Variants in MALRD1 observed in about 807,000 individuals in gnomAD.
MALRD1 encodes MAM and LDL-receptor class A domain-containing protein 1.
MALRD1 carries 247 observed loss-of-function variants against 242.1 expected under a neutral mutation model. The observed-to-expected ratio is 1.02, with a 90% CI of 0.92 to 1.13. The LOEUF is 1.13. Among genes scored for constraint, MALRD1 ranks in the 50% most tolerant of loss-of-function variants. MALRD1 has a pLI of 0.00. For synonymous variants in MALRD1, 995 were observed against 866.6 expected, an observed-to-expected ratio of 1.15 and a Z score of -2.60; for missense variants, 2,989 against 2,533.1, an observed-to-expected ratio of 1.18 and a Z score of -3.86.
chr10:19,659,791 T>C (rs1841335433), intron 36 of MALRD1, among the ~76,000 whole-genome samples: 1 of 152,148 alleles, frequency 6.6e-6, no homozygotes, highest in South Asian at 2.1e-4. Context: ...CCTGGGTAAT[T>C]TGAAGCCCCG....
At position 19,387,618 on chromosome 10, in the gene MALRD1, A is replaced by G. The variant is rs1452582398; in HGVS notation, c.4532A>G (p.Asn1511Ser). The change falls in exon 27 of 40, where the codon AAT becomes AGT. Residue 1511 changes from asparagine (N) to serine (S), a missense_variant. By Grantham distance (46) the Asn-to-Ser change is conservative. Coordinates refer to ENST00000454679, the MANE Select transcript of MALRD1 (RefSeq NM_001142308.3). The part of the protein sequence containing the change: ...SCNFVDNCGD[N>S]TDENECGSSC... ...AACTTCGTAGATAACTGTGGAGATA[A>G]TACTGATGAAAATGAGTGTGGTAGC... is the stretch of plus-strand genomic sequence containing the variant. 7.7e-6 allele frequency: 12 copies of G among 1,550,422 alleles called. No individual in the cohort carries two copies. The highest frequency in any genetic ancestry group is 1.0e-5 in the Non-Finnish European group (12 of 1,146,888).
At chr10:19,119,122 G>A (rs921812990) in intron 5 of MALRD1, among the ~76,000 whole-genome samples, 1 of 152,154 alleles carries the variant, frequency 6.6e-6, no homozygotes, top group Non-Finnish European at 1.5e-5. Context: ...TTTGCTGATG[G>A]ATTGCATGTT....
In MALRD1 at chr10:19,389,506, A is replaced by G; in HGVS notation, c.4742A>G (p.His1581Arg). 6.4e-7 allele frequency: 1 copy of G among 1,550,588 alleles called. No individual in the cohort carries two copies. Among genetic ancestry groups the G allele is most frequent in the Non-Finnish European group, 8.7e-7 (1 of 1,146,962 alleles). ...TAVGLRGDKAHFRSTMWRESS... is the reference protein window; with the variant it reads ...TAVGLRGDKARFRSTMWRESS... Reference sequence around the variant, plus strand: ...GTGGGCCTTCGGGGTGACAAAGCACACTTCAGGAGTACCATGTGGCGAGAA... The same window carrying G: ...GTGGGCCTTCGGGGTGACAAAGCACGCTTCAGGAGTACCATGTGGCGAGAA... Residue 1581 changes from histidine (H) to arginine (R), a missense_variant, in exon 28 of 40, where the codon CAC becomes CGC. Transcript: ENST00000454679.
chr10:19,387,702 A>G lies in MALRD1; in HGVS notation c.4616A>G (p.Asp1539Gly). ...CAAAACTCCCAGGCTGACAACTTTG[A>G]TTGGGTTTTAGGGGTTGGCTCTCAT... Reference protein sequence around the residue: ...GWQNSQADNFDWVLGVGSHQS... With the variant: ...GWQNSQADNFGWVLGVGSHQS... Residue 1539 changes from aspartate to glycine, a missense_variant, in exon 27 of 40, where the codon GAT becomes GGT. Coordinates refer to ENST00000454679, the MANE Select transcript of MALRD1 (RefSeq NM_001142308.3). 5 of 1,550,354 alleles carry G rather than the reference A, an allele frequency of 3.2e-6. No homozygotes were observed. The highest frequency in any genetic ancestry group is 4.4e-6 in the Non-Finnish European group (5 of 1,146,858).
intron 28 of MALRD1, among the ~76,000 whole-genome samples, chr10:19,390,643 T>C (rs1846300735): frequency 6.6e-6 from 1 of 152,178 alleles, no homozygotes; most frequent in Admixed American, 6.5e-5. Context: ...GAAAGCTTAC[T>C]TTAAAGCATG....
At chr10:19,270,330 TCTCTCTCACACACACA>T (rs1366835458) in intron 19 of MALRD1, among the ~76,000 whole-genome samples, 3 of 106,996 alleles carry the variant, frequency 2.8e-5, no homozygotes, top group African/African-American at 4.2e-5. Context: ...TCTCTCTCTC[TCTCTCTCACACACACA>T]CACACACACA....
intron 33 of MALRD1, among the ~76,000 whole-genome samples, chr10:19,578,666 TG>T (rs1437623364): frequency 6.6e-6 from 1 of 150,442 alleles, no homozygotes; most frequent in African/African-American, 2.4e-5. Flanking sequence ...CACTCCAGCC[TG>T]GGGGACAGAA....
intron 28 of MALRD1, among the ~76,000 whole-genome samples, chr10:19,429,947 T>C (rs953502853): frequency 3.3e-5 from 5 of 152,022 alleles, no homozygotes; most frequent in African/African-American, 1.2e-4. Context: ...TTTCAGAATA[T>C]GGCCAATGTA....
At chr10:19,729,554 G>A (rs1317198524) in intron 38 of MALRD1, among the ~76,000 whole-genome samples, 2 of 148,464 alleles carry the variant, frequency 1.3e-5, no homozygotes, top group Non-Finnish European at 3.0e-5. Flanking sequence ...CCTTTCTTAT[G>A]TGTGTGTGTG....
rs369751334 is a variant in MALRD1 at position 19,521,730 on chromosome 10, A to G, written c.5321-9464A>G. On this transcript the variant is annotated intron_variant, in intron 31 of 39. Transcript: ENST00000454679. ...TGATTCTTGCTATTATATGTATTTA[A>G]TACTACTGATCAATCACTTATTTCC... Among the ~76,000 whole-genome samples the G allele has an allele frequency of 5.3e-5, 8 of 152,110 alleles. No homozygotes were observed. In the East Asian group the frequency reaches 1.2e-3, roughly 22 times the overall value.
intron 38 of MALRD1, among the ~76,000 whole-genome samples, chr10:19,719,223 C>CATATATATATATATATATATATATATAT (rs368394538): frequency 5.2e-5 from 4 of 76,432 alleles, no homozygotes; most frequent in Non-Finnish European, 9.4e-5. Flanking sequence ...CACATACATA[C>CATATATATATATATATATATATATATAT]ATATATATAT....
intron 26 of MALRD1, among the ~76,000 whole-genome samples, chr10:19,376,963 CTTTTA>C (rs1319311008): frequency 6.6e-6 from 1 of 152,092 alleles, no homozygotes; most frequent in Non-Finnish European, 1.5e-5. Flanking sequence ...AAGGAGGACT[CTTTTA>C]TTTTTCAAAT....
chr10:19,340,564 G>A (rs181163015), intron 24 of MALRD1, among the ~76,000 whole-genome samples: 10 of 152,046 alleles, frequency 6.6e-5, no homozygotes, highest in Admixed American at 2.0e-4. Context: ...ATATTTCATT[G>A]GCCATACAAA....
intron 28 of MALRD1, among the ~76,000 whole-genome samples, chr10:19,393,060 C>A (rs778852361): frequency 2.6e-5 from 4 of 152,136 alleles, no homozygotes; most frequent in Non-Finnish European, 4.4e-5. Flanking sequence ...GACTTGAACT[C>A]AGGTATTCTG....
chr10:19,390,021 T>G (rs1251629529), intron 28 of MALRD1, among the ~76,000 whole-genome samples: 4 of 152,056 alleles, frequency 2.6e-5, no homozygotes, highest in Non-Finnish European at 5.9e-5. Context: ...GGCCCCCTGT[T>G]TTTCAAAGGT....
chr10:19,631,772 G>A (rs1477888740), intron 36 of MALRD1, among the ~76,000 whole-genome samples: 1 of 152,086 alleles, frequency 6.6e-6, no homozygotes, highest in Non-Finnish European at 1.5e-5. Context: ...TATGCATGTT[G>A]CCTGCATGTA....
At chr10:19,141,415 G>A (rs1225834997) in intron 10 of MALRD1, among the ~76,000 whole-genome samples, 4 of 152,138 alleles carry the variant, frequency 2.6e-5, no homozygotes, top group African/African-American at 9.7e-5. Context: ...AATGGGGGTG[G>A]AGATTCAGTT....
rs1164085331 is a variant in MALRD1 at position 19,491,568 on chromosome 10, A to G, written c.5081A>G (p.Asp1694Gly). 2 of 1,550,252 alleles carry G rather than the reference A, an allele frequency of 1.3e-6. No homozygotes were observed. The highest frequency in any genetic ancestry group is 3.9e-5 in the Admixed American group (2 of 50,992). ...CPEITDFLCR[D>G]KKCIASHLLC... ...GAAATCACTGATTTTTTGTGCCGGG[A>G]CAAGAAGTGCATTGCATCCCACCTT... Residue 1694 changes from aspartate to glycine, a missense_variant, in exon 30 of 40, where the codon GAC (aspartate) becomes GGC (glycine). By Grantham distance (94) the Asp-to-Gly change is moderately conservative (BLOSUM62 -1). Transcript: ENST00000454679.
intron 19 of MALRD1, among the ~76,000 whole-genome samples, chr10:19,276,218 T>TA (rs1840516600): frequency 6.6e-6 from 1 of 152,190 alleles, no homozygotes; most frequent in Admixed American, 6.5e-5. Context: ...TTTGACAAAA[T>TA]ACGTCACTTT....
Sources: gnomAD v4.1 joint callset for allele counts (sites outside exome capture counted in the v4.1 genomes callset) on GRCh38, gnomAD v4.1.1 for gene constraint, MANE v1.5 for transcripts, NCBI Gene and HGNC (gene_info 2026-07-23, HGNC 2026-07-21) for gene names.